Variants in ABCB9 observed in about 807,000 individuals in gnomAD.
ABCB9 encodes the protein ABC-type oligopeptide transporter ABCB9.
In ABCB9, 36 loss-of-function variants were observed where a neutral mutation model predicts 62.0. The ratio of observed to expected loss-of-function variants is 0.58; its 90% CI spans 0.45 to 0.77. The LOEUF is 0.77. ABCB9 is among the 30% of genes least tolerant of loss of function. ABCB9 has a pLI of 0.00. For missense variants in ABCB9, 943 were observed against 1,054.7 expected, an observed-to-expected ratio of 0.89 and a Z score of 1.47; for synonymous variants, 435 against 461.4, an observed-to-expected ratio of 0.94 and a Z score of 0.73.
At chr12:122,921,843 A>T (rs1020655714) in intron 11 of ABCB9, among the ~76,000 whole-genome samples, 38 of 152,202 alleles carry the variant, frequency 2.5e-4, no homozygotes, top group Admixed American at 1.4e-3. Context: ...AAAAAAATTT[A>T]AAAAATTGTC....
At chr12:122,934,517 C>T (rs559544111) in intron 10 of ABCB9, among the ~76,000 whole-genome samples, 20 of 151,718 alleles carry the variant, frequency 1.3e-4, no homozygotes, top group Admixed American at 3.3e-4. Flanking sequence ...AGCAAGACCC[C>T]GTCTCTACAA....
At chr12:122,963,200 A>T (rs1322590393) in intron 1 of ABCB9, among the ~76,000 whole-genome samples, 1 of 152,218 alleles carries the variant, frequency 6.6e-6, no homozygotes, top group African/African-American at 2.4e-5. Flanking sequence ...CAGGAGGCTG[A>T]GGCAGAAGAA....
rs1344658174 is a variant in ABCB9, at chr12:122,950,539, C to T, written c.628G>A (p.Gly210Ser). ...ATGACGATGCCATCAATGGCGCGGC[C>T]CGTGTAGTAGGGCAGGAAGGTCTCT... ...LGETFLPYYT[G>S]RAIDGIVIQK... Residue 210 changes from glycine (G) to serine (S), a missense_variant, in exon 3 of 12, where the codon GGC becomes AGC. Physicochemically the swap from Gly to Ser is moderately conservative, Grantham distance 56. Coordinates refer to ENST00000280560, the MANE Select transcript of ABCB9 (RefSeq NM_019625.4). 6.2e-7 allele frequency: 1 copy of T among 1,612,740 alleles called. No individual in the cohort carries two copies. Among genetic ancestry groups the T allele is most frequent in the Non-Finnish European group, 8.5e-7 (1 of 1,179,956 alleles).
intron 10 of ABCB9, among the ~76,000 whole-genome samples, chr12:122,933,291 G>A (rs1396189779): frequency 2.6e-5 from 4 of 152,062 alleles, no homozygotes; most frequent in South Asian, 4.2e-4. Context: ...GGCTGAGCAC[G>A]GTGGCTCCCA....
At position 122,944,657 on chromosome 12, in the gene ABCB9, G is replaced by A; in HGVS notation, c.1252-138C>T. 7.9e-7 allele frequency: 1 copy of A among 1,267,774 alleles called. No homozygotes were observed. The highest frequency in any genetic ancestry group is 1.1e-6 in the Non-Finnish European group (1 of 930,712). 78.5% of individuals were successfully genotyped at this position (1,267,774 alleles called of 1,614,324 possible). On this transcript the variant is annotated intron_variant, in intron 6 of 11. Coordinates refer to ENST00000280560, the MANE Select transcript of ABCB9 (RefSeq NM_019625.4). This position sits in a 1 kb window ranked among gnomAD's most constrained non-coding sequence, Gnocchi z 4.9. ...ACTGAAATGCCGGCCGTTGGCAGGG[G>A]TGTCTTCCAAGGCTTGTCACTCATG...
chr12:122,940,718 T>C lies in ABCB9; in HGVS notation c.1569+89A>G. 3 of 1,424,822 alleles carry C rather than the reference T, an allele frequency of 2.1e-6. No homozygotes were observed. Among genetic ancestry groups the C allele is most frequent in the Non-Finnish European group, 2.8e-6 (3 of 1,073,248 alleles). The allele number at this position is 1,424,822 out of a possible 1,614,324, so 88.3% of individuals were successfully genotyped here. A position where few individuals can be genotyped will look rare whatever the true frequency, so the allele number is the denominator to read the frequency against. ...TGATCTTGCCTGACATATTCCCAGCTGCCCTGCCACAGCCTGGTGTATAGG... is the reference window on the plus strand; with the variant it reads ...TGATCTTGCCTGACATATTCCCAGCCGCCCTGCCACAGCCTGGTGTATAGG... On this transcript the variant is annotated intron_variant, in intron 8 of 11. Coordinates refer to ENST00000280560, the MANE Select transcript of ABCB9 (RefSeq NM_019625.4). The surrounding 1 kb of genome is among the most constrained non-coding windows in gnomAD (Gnocchi z 4.8).
chr12:122,973,488 C>T lies in ABCB9; in HGVS notation c.-88+1227G>A, dbSNP rs1196237593. Among the ~76,000 whole-genome samples the T allele has an allele frequency of 1.2e-4, 16 of 136,872 alleles. No individual in the cohort carries two copies. In the South Asian group the frequency reaches 2.4e-3, roughly 21 times the overall value. The allele number at this position is 136,872 out of a possible 152,430, so 89.8% of individuals were successfully genotyped here. On this transcript the variant is annotated intron_variant, in intron 1 of 11. Coordinates refer to the ABCB9 transcript ENST00000392439. ...CTGAGGCAGGAGAATGGCGTGAACC[C>T]GGGAAGCGGAGCTTGCAGTGAGCCG... is the stretch of plus-strand genomic sequence containing the variant.
Position 122,940,748 on chromosome 12 carries a change from G to A in ABCB9, c.1569+59C>T. 1.3e-6 allele frequency: 2 copies of A among 1,487,480 alleles called. No homozygotes were observed. Among genetic ancestry groups the A allele is most frequent in the South Asian group, 1.3e-5 (1 of 74,994 alleles). 92.1% of individuals were successfully genotyped at this position (1,487,480 alleles called of 1,614,324 possible). On this transcript the variant is annotated intron_variant, in intron 8 of 11. Coordinates refer to ENST00000280560, the MANE Select transcript of ABCB9 (RefSeq NM_019625.4). The surrounding 1 kb of genome is among the most constrained non-coding windows in gnomAD (Gnocchi z 4.8). Reference sequence around the variant, plus strand: ...TGCCACAGCCTGGTGTATAGGAGGTGCACCAGAAATGGGGTGACGGAAAGG... The same window carrying A: ...TGCCACAGCCTGGTGTATAGGAGGTACACCAGAAATGGGGTGACGGAAAGG...
In ABCB9 at chr12:122,959,619, C is replaced by T. The variant is rs758944841; in HGVS notation, c.601+16G>A. The T allele has an allele frequency of 7.2e-6, 11 of 1,527,426 alleles. No individual in the cohort carries two copies. The highest frequency in any genetic ancestry group is 3.5e-4 in the Middle Eastern group (2 of 5,674). The allele number at this position is 1,527,426 out of a possible 1,614,324, so 94.6% of individuals were successfully genotyped here. A position where few individuals can be genotyped will look rare whatever the true frequency, so the allele number is the denominator to read the frequency against. On this transcript the variant is annotated intron_variant, in intron 2 of 11. Transcript: ENST00000280560. This position sits in a 1 kb window ranked among gnomAD's most constrained non-coding sequence, Gnocchi z 5.4. ...TGATGTTCTGGTGGCCACATGTCCC[C>T]GAGGTCCTTACTTACCCAGAGCTGC... is the stretch of plus-strand genomic sequence containing the variant.
intron 1 of ABCB9, among the ~76,000 whole-genome samples, chr12:122,972,067 CAG>C (rs2037277275): frequency 9.3e-6 from 1 of 106,970 alleles, no homozygotes; most frequent in African/African-American, 3.8e-5. Flanking sequence ...TTTGTTGAGA[CAG>C]AGTCTCACTC....
intron 2 of ABCB9, among the ~76,000 whole-genome samples, chr12:122,953,389 ATG>A (rs2036461159): frequency 6.6e-6 from 1 of 150,908 alleles, no homozygotes; most frequent in South Asian, 2.1e-4. Context: ...AATTTTATAT[ATG>A]TATATATATA....
chr12:122,939,243 T>C (rs1229787246), intron 9 of ABCB9, among the ~76,000 whole-genome samples: 1 of 152,226 alleles, frequency 6.6e-6, no homozygotes, highest in East Asian at 1.9e-4. Flanking sequence ...ATATGTATAG[T>C]GGGTTACCAC....
At position 122,930,215 on chromosome 12, in the gene ABCB9, C is replaced by T; in HGVS notation, c.2041-44G>A. On this transcript the variant is annotated intron_variant, in intron 11 of 11. Coordinates refer to ENST00000280560, the MANE Select transcript of ABCB9 (RefSeq NM_019625.4). The surrounding 1 kb of genome is among the most constrained non-coding windows in gnomAD (Gnocchi z 4.9). ...CCTGGCTTGCATGGCACGGACGCCC[C>T]ACCCGCAACCGTGCTTCATGCCACG... 3 of 1,496,056 alleles carry T rather than the reference C, an allele frequency of 2.0e-6. No homozygotes were observed. The highest frequency in any genetic ancestry group is 2.7e-6 in the Non-Finnish European group (3 of 1,112,766). 92.7% of individuals were successfully genotyped at this position (1,496,056 alleles called of 1,614,324 possible).
Position 122,922,784 on chromosome 12 carries a change from C to CTAT in ABCB9, c.2041-1744_2041-1742dup, listed in dbSNP as rs1184325898. ...TGAATTGGTTGTGTAGCCTTCCAAT[C>CTAT]TATTATTATTATTATTTTATTGTTT... On this transcript the variant is annotated intron_variant, in intron 11 of 11. Coordinates refer to the ABCB9 transcript ENST00000344275. 1.4e-4 allele frequency among the ~76,000 whole-genome samples: 21 copies of CTAT among 151,336 alleles called. 1 individual carries two copies. The highest frequency in any genetic ancestry group is 4.9e-4 in the African/African-American group (20 of 41,208).
At chr12:122,958,383 G>C (rs544906235) in intron 2 of ABCB9, among the ~76,000 whole-genome samples, 20 of 152,240 alleles carry the variant, frequency 1.3e-4, no homozygotes, top group Non-Finnish European at 2.8e-4. Context: ...GGTGAGAGGT[G>C]GGGGAGTGAT....
At chr12:122,928,197 C>T (rs185668493), downstream of ABCB9, among the ~76,000 whole-genome samples, 188 of 152,256 alleles carry the variant, frequency 1.2e-3, 4 homozygotes, top group Non-Finnish European at 1.8e-4. Context: ...TGGCCAGGCG[C>T]GGTGGCTCAC....
chr12:122,963,016 A>G (rs2036987670), intron 1 of ABCB9, among the ~76,000 whole-genome samples: 1 of 152,220 alleles, frequency 6.6e-6, no homozygotes, highest in African/African-American at 2.4e-5. Flanking sequence ...ACCAGGGGCC[A>G]GGCATGGTGG....
At chr12:122,967,379 TG>T (rs2135938259), upstream of ABCB9, among the ~76,000 whole-genome samples, 1 of 152,318 alleles carries the variant, frequency 6.6e-6, no homozygotes, top group Admixed American at 6.5e-5. Context: ...CTTGGCCACT[TG>T]AGGACCAGAA....
In ABCB9 at chr12:122,943,415, C is replaced by T. The variant is rs757423921; in HGVS notation, c.1380+976G>A. 2.0e-5 allele frequency among the ~76,000 whole-genome samples: 3 copies of T among 152,290 alleles called. 1 individual carries two copies. Among genetic ancestry groups the T allele is most frequent in the Non-Finnish European group, 1.5e-5 (1 of 68,024 alleles). On this transcript the variant is annotated intron_variant, in intron 7 of 11. Coordinates refer to ENST00000280560, the MANE Select transcript of ABCB9 (RefSeq NM_019625.4). Reference sequence around the variant, plus strand: ...ACAATCTAAAACACCCTTGCATTTCCGAGGCACTACGCTGGAAGTAGGCTG... The same window carrying T: ...ACAATCTAAAACACCCTTGCATTTCTGAGGCACTACGCTGGAAGTAGGCTG...
Sources: gnomAD v4.1 joint callset for allele counts (sites outside exome capture counted in the v4.1 genomes callset) on GRCh38, gnomAD v4.1.1 for gene constraint, Gnocchi (gnomAD v3.1) non-coding constraint, MANE v1.5 for transcripts, NCBI Gene and HGNC (gene_info 2026-07-23, HGNC 2026-07-21) for gene names.